The following NACC2 variants were observed in gnomAD, a reference collection of about 807,000 sequenced individuals.
The protein encoded by NACC2 is NACC family member 2, also known as nucleus accumbens-associated protein 2.
NACC2 carries 8 observed loss-of-function variants against 25.1 expected under a neutral mutation model. That is an observed-to-expected ratio of 0.32 (90% confidence interval 0.19 to 0.57). The LOEUF (loss-of-function observed/expected upper bound fraction) is 0.57, where lower values mean the gene tolerates loss of function less well. Ranked by LOEUF, NACC2 falls within the 20% of genes least tolerant of loss-of-function variation. The pLI, the probability that NACC2 is intolerant of heterozygous loss-of-function variation, is 0.89. For synonymous variants in NACC2, 435 were observed against 294.7 expected (o/e 1.48, Z -4.88); for missense variants, 644 against 650.2 (o/e 0.99, Z 0.10).
At position 136,007,527 on chromosome 9, in the gene NACC2, ACAGACGTG is replaced by A. The variant is rs1840040569; in HGVS notation, c.*3981_*3988del. Reference sequence around the variant, plus strand: ...TGCACAGACGCGCACACACAGACGCACAGACGTGCACACACAGACACGCACACACACAC... The same window carrying A: ...TGCACAGACGCGCACACACAGACGCACACACACAGACACGCACACACACAC... On this transcript the variant is annotated 3_prime_UTR_variant, in exon 6 of 6. Coordinates refer to ENST00000277554, the MANE Select transcript of NACC2 (RefSeq NM_144653.5). 7.8e-6 allele frequency: 1 copy of A among 128,958 alleles called. No homozygotes were observed. Among genetic ancestry groups the A allele is most frequent in the Non-Finnish European group, 1.7e-5 (1 of 57,580 alleles). The allele number at this position is 128,958 out of a possible 1,614,324, so 8.0% of individuals were successfully genotyped here.
chr9:136,049,606 G>GCTT (rs1840784249), intron 2 of NACC2, 30 bp downstream of exon 2: 1 of 760,748 alleles, frequency 1.3e-6, no homozygotes, highest in African/African-American at 1.7e-5. Context: ...TCCCAGCCAG[G>GCTT]TGGTGTGGGG....
At chr9:136,039,690 G>A (rs1840600737) in intron 2 of NACC2, among the ~76,000 whole-genome samples, 1 of 152,050 alleles carries the variant, frequency 6.6e-6, no homozygotes, top group African/African-American at 2.4e-5. Context: ...ACTAACTGAT[G>A]CAATACACCA....
chr9:136,033,650 A>G (rs1048075094), intron 2 of NACC2, among the ~76,000 whole-genome samples: 3 of 144,596 alleles, frequency 2.1e-5, no homozygotes, highest in African/African-American at 5.4e-5. Context: ...CTCTGTCTCA[A>G]AAAAAAAAAA....
chr9:136,032,948 G>GCAA (rs1455775342), intron 2 of NACC2, among the ~76,000 whole-genome samples: 5 of 151,228 alleles, frequency 3.3e-5, no homozygotes, highest in Non-Finnish European at 7.4e-5. Flanking sequence ...AACTCTGGAG[G>GCAA]CAGAGGTTGC....
intron 1 of NACC2, among the ~76,000 whole-genome samples, chr9:136,074,769 T>C (rs959707985): frequency 6.6e-6 from 1 of 152,062 alleles, no homozygotes; most frequent in Admixed American, 6.6e-5. Flanking sequence ...AGAGGGCCCA[T>C]GTCGGTGGTC....
At chr9:136,054,932 C>T (rs1840901808) in intron 1 of NACC2, among the ~76,000 whole-genome samples, 1 of 152,138 alleles carries the variant, frequency 6.6e-6, no homozygotes, top group African/African-American at 2.4e-5. Flanking sequence ...ACCCAAGGCC[C>T]GAGTCCACTC....
intron 1 of NACC2, among the ~76,000 whole-genome samples, chr9:136,087,390 G>A (rs1830389929): frequency 6.6e-6 from 1 of 152,142 alleles, no homozygotes; most frequent in African/African-American, 2.4e-5. Context: ...CCTCCTCCTG[G>A]CCTGTCACCT....
At position 136,084,789 on chromosome 9, in the gene NACC2, C is replaced by T. The variant is rs1277331447; in HGVS notation, c.-60+10400G>A. Among the ~76,000 whole-genome samples, 2 of 152,338 alleles carry T rather than the reference C, an allele frequency of 1.3e-5. No homozygotes were observed. Among genetic ancestry groups the T allele is most frequent in the East Asian group, 1.9e-4 (1 of 5,180 alleles). On this transcript the variant is annotated intron_variant, in intron 1 of 5. Coordinates refer to ENST00000277554, the MANE Select transcript of NACC2 (RefSeq NM_144653.5). The surrounding 1 kb of genome is among the most constrained non-coding windows in gnomAD (Gnocchi z 5.1). ...ACGGGCTCCGCCACTCCCTGCAACC[C>T]GGAGGAGCCGTGGGGAGAGGGTGCG...
intron 1 of NACC2, among the ~76,000 whole-genome samples, chr9:136,075,436 C>T (rs939785708): frequency 6.6e-5 from 10 of 152,256 alleles, no homozygotes; most frequent in Non-Finnish European, 1.2e-4. Context: ...AATGTCTCCC[C>T]GAGCCTGTTT....
chr9:136,023,564 C>T (rs980732196), intron 2 of NACC2, among the ~76,000 whole-genome samples: 1 of 152,214 alleles, frequency 6.6e-6, no homozygotes, highest in African/African-American at 2.4e-5. Flanking sequence ...AGCACCAAGC[C>T]TGGTCCTGGA....
rs1278020114 is a variant in NACC2 at position 136,050,258 on chromosome 9, G to A, written c.264C>T (p.Gly88=). The change falls in exon 2 of 6, where the codon GGC becomes GGT. Residue 88 remains glycine (G), a synonymous_variant. Coordinates refer to ENST00000277554, the MANE Select transcript of NACC2 (RefSeq NM_144653.5). ...FQQILSFCYT[G]RLTMTASEQL... is the part of the protein sequence containing the mutation. ...GCTCGCTGGCCGTCATGGTGAGCCT[G>A]CCCGTGTAGCAGAAGGACAGGATCT... 3.3e-5 allele frequency: 25 copies of A among 768,000 alleles called. No individual in the cohort carries two copies. The highest frequency in any genetic ancestry group is 2.7e-4 in the South Asian group (20 of 73,068). The allele number at this position is 768,000 out of a possible 1,614,324, so 47.6% of individuals were successfully genotyped here.
intron 2 of NACC2, among the ~76,000 whole-genome samples, chr9:136,032,025 TG>T (rs200022708): frequency 0.011 from 1,500 of 142,540 alleles, 25 homozygotes; most frequent in African/African-American, 0.044. Context: ...GCACCCCTGG[TG>T]ATCACTGCCC....
chr9:136,033,894 GGTGT>G (rs57460855), intron 2 of NACC2, among the ~76,000 whole-genome samples: 18,613 of 136,832 alleles, frequency 0.14, 1,284 homozygotes, highest in Middle Eastern at 0.2. Flanking sequence ...AATTCCAGCA[GGTGT>G]GTGTGTGTGT....
chr9:136,048,691 G>A lies in NACC2; in HGVS notation c.886+945C>T, dbSNP rs1006251511. On this transcript the variant is annotated intron_variant, in intron 2 of 5. Transcript: ENST00000277554. ...AAAGCAGTGGTTACCCTGCTGTCCC[G>A]GCTGTGGTGACAGACGCTGCACAGG... Among the ~76,000 whole-genome samples the A allele has an allele frequency of 8.3e-3, 1,269 of 152,358 alleles. 11 individuals are homozygous for A. The highest frequency in any genetic ancestry group is 0.011 in the Non-Finnish European group (779 of 68,028).
intron 1 of NACC2, among the ~76,000 whole-genome samples, chr9:136,059,255 A>G (rs1400601826): frequency 2.0e-5 from 3 of 152,188 alleles, no homozygotes; most frequent in East Asian, 1.9e-4. Flanking sequence ...AAAGGTGCCC[A>G]GGCCAGAGCC....
At chr9:136,054,449 G>A (rs1320744406) in intron 1 of NACC2, among the ~76,000 whole-genome samples, 1 of 152,192 alleles carries the variant, frequency 6.6e-6, no homozygotes, top group African/African-American at 2.4e-5. Flanking sequence ...TTGCTTTCTT[G>A]GAAGGCTCAA....
Position 136,044,583 on chromosome 9 carries a change from G to A in NACC2, c.886+5053C>T, listed in dbSNP as rs907975047. Among the ~76,000 whole-genome samples, 10 of 152,258 alleles carry A rather than the reference G, an allele frequency of 6.6e-5. No individual in the cohort carries two copies. In the South Asian group the frequency reaches 2.1e-3, roughly 32 times the overall value. On this transcript the variant is annotated intron_variant, in intron 2 of 5. Transcript: ENST00000277554. ...CCCTCTGCTCCCTGGGTGGTGGTGGGGGGGCTCTAACAGTGCGGACGCCCC... is the reference window on the plus strand; with the variant it reads ...CCCTCTGCTCCCTGGGTGGTGGTGGAGGGGCTCTAACAGTGCGGACGCCCC...
chr9:136,024,539 TGTGTGTGA>T lies in NACC2; in HGVS notation c.887-8118_887-8111del, dbSNP rs1337273379. Among the ~76,000 whole-genome samples the T allele has an allele frequency of 6.9e-3, 939 of 136,238 alleles. 9 individuals are homozygous for T. The highest frequency in any genetic ancestry group is 0.027 in the Middle Eastern group (7 of 260). 89.4% of individuals were successfully genotyped at this position (136,238 alleles called of 152,430 possible). A position where few individuals can be genotyped will look rare whatever the true frequency, so the allele number is the denominator to read the frequency against. ...TGTGTGTGTGTGTGTGTGTGGACAG[TGTGTGTGA>T]GGACAGTGTGTGTAAGGACAGAGTG... On this transcript the variant is annotated intron_variant, in intron 2 of 5. Coordinates refer to ENST00000277554, the MANE Select transcript of NACC2 (RefSeq NM_144653.5).
intron 2 of NACC2, among the ~76,000 whole-genome samples, chr9:136,035,389 G>A (rs910114769): frequency 2.6e-5 from 4 of 151,872 alleles, no homozygotes; most frequent in Non-Finnish European, 5.9e-5. Context: ...CCTGACCCCA[G>A]TCCTGAGGAG....
Sources: gnomAD v4.1 joint callset for allele counts (sites outside exome capture counted in the v4.1 genomes callset) on GRCh38, gnomAD v4.1.1 for gene constraint, Gnocchi (gnomAD v3.1) non-coding constraint, MANE v1.5 for transcripts, NCBI Gene and HGNC (gene_info 2026-07-23, HGNC 2026-07-21) for gene names.